TRAK1: variants seen among roughly 807,000 people sequenced by gnomAD.
TRAK1 encodes the protein trafficking kinesin protein 1.
In TRAK1, 33 loss-of-function variants were observed where a neutral mutation model predicts 92.1. That is an observed-to-expected ratio of 0.36 (90% confidence interval 0.27 to 0.48). The LOEUF (loss-of-function observed/expected upper bound fraction) is 0.48, where lower values mean the gene tolerates loss of function less well. Among genes scored for constraint, TRAK1 ranks in the 20% least tolerant of loss-of-function variants. TRAK1 has a pLI of 0.99. For synonymous variants in TRAK1, 521 were observed against 517.3 expected (o/e 1.01, Z -0.10); for missense variants, 1,123 against 1,257.9 (o/e 0.89, Z 1.62).
chr3:42,186,494 T>G (rs1704878897), intron 4 of TRAK1, among the ~76,000 whole-genome samples: 1 of 152,234 alleles, frequency 6.6e-6, no homozygotes, highest in Non-Finnish European at 1.5e-5. Flanking sequence ...GGGAGAATGC[T>G]GTTGTATTTT....
chr3:42,154,793 C>G (rs996396503), intron 2 of TRAK1, among the ~76,000 whole-genome samples: 1 of 152,094 alleles, frequency 6.6e-6, no homozygotes, highest in African/African-American at 2.4e-5. Flanking sequence ...GTCGTGCCAA[C>G]CCTGCTCTCT....
At chr3:42,184,596 A>T (rs1303290505) in intron 3 of TRAK1, 89 bp from the exon 4 acceptor site, 2 of 1,228,312 alleles carry the variant, frequency 1.6e-6, no homozygotes, top group East Asian at 4.7e-5. Context: ...CTAGATGCTT[A>T]TGTTTTCCTC....
At chr3:42,155,901 A>T (rs1363239605) in intron 2 of TRAK1, among the ~76,000 whole-genome samples, 1 of 152,180 alleles carries the variant, frequency 6.6e-6, no homozygotes, top group Non-Finnish European at 1.5e-5. Context: ...TATGTCAAGT[A>T]GATGTGAGCA....
In TRAK1 at chr3:42,176,717, T is replaced by A. The variant is rs3774379; in HGVS notation, c.287-97T>A. On this transcript the variant is annotated intron_variant, in intron 2 of 15. Coordinates refer to ENST00000327628, the MANE Select transcript of TRAK1 (RefSeq NM_001042646.3). ...CGAGCCAGTGACCCTCTGTGTCTAATGTGCAGGCACAACATTAGGGGCACT... is the reference window on the plus strand; with the variant it reads ...CGAGCCAGTGACCCTCTGTGTCTAAAGTGCAGGCACAACATTAGGGGCACT... The A allele has an allele frequency of 1.7e-3, 1,828 of 1,064,134 alleles. 19 individuals carry two copies. The East Asian group carries it at 0.024, about 14-fold the overall frequency. 65.9% of individuals were successfully genotyped at this position (1,064,134 alleles called of 1,614,324 possible). A position where few individuals can be genotyped will look rare whatever the true frequency, so the allele number is the denominator to read the frequency against.
intron 1 of TRAK1, among the ~76,000 whole-genome samples, chr3:42,112,817 C>T (rs1255868669): frequency 6.6e-6 from 1 of 151,540 alleles, no homozygotes; most frequent in African/African-American, 2.4e-5. Context: ...ATCTCCTAGG[C>T]TGGAGTGTAG....
Position 42,191,596 on chromosome 3 carries a change from G to A in TRAK1, c.729G>A (p.Glu243=), listed in dbSNP as rs1288157778. 1.9e-6 allele frequency: 3 copies of A among 1,604,312 alleles called. No individual in the cohort carries two copies. The South Asian group carries it at 3.4e-5, about 18-fold the overall frequency. The change falls in exon 7 of 16, where the codon GAG becomes GAA. Residue 243 remains glutamate, a synonymous_variant. Transcript: ENST00000327628. ...QLKTETITYE[E]KEQQLVNDCV... ...AGACAGAGACCATCACCTATGAGGAGAAGGAGCAGCAGCTGGTCAATGACT... is the reference window on the plus strand; with the variant it reads ...AGACAGAGACCATCACCTATGAGGAAAAGGAGCAGCAGCTGGTCAATGACT...
chr3:42,038,584 G>A (rs1263853563), intron 1 of TRAK1, among the ~76,000 whole-genome samples: 3 of 152,018 alleles, frequency 2.0e-5, no homozygotes, highest in Admixed American at 1.3e-4. Flanking sequence ...TCAGGAGTTC[G>A]AGACCAGCCT....
intron 2 of TRAK1, among the ~76,000 whole-genome samples, chr3:42,165,965 C>G (rs181304339): frequency 2.0e-5 from 3 of 152,066 alleles, no homozygotes; most frequent in Admixed American, 2.0e-4. Flanking sequence ...TTTTGCCACT[C>G]TGCCCATTTC....
At chr3:42,148,831 G>T (rs36009490) in intron 2 of TRAK1, among the ~76,000 whole-genome samples, 28,570 of 152,172 alleles carry the variant, frequency 0.19, 2,750 homozygotes, top group African/African-American at 0.21. Flanking sequence ...TTTAATGTGT[G>T]AAATCAGGTT....
At chr3:42,154,612 G>A (rs928572988) in intron 2 of TRAK1, among the ~76,000 whole-genome samples, 1 of 151,990 alleles carries the variant, frequency 6.6e-6, no homozygotes, top group African/African-American at 2.4e-5. Context: ...TAATTTTTTT[G>A]TAGAGATGGG....
intron 1 of TRAK1, among the ~76,000 whole-genome samples, chr3:42,025,144 C>T (rs1349394852): frequency 6.6e-6 from 1 of 152,156 alleles, no homozygotes; most frequent in Admixed American, 6.5e-5. Flanking sequence ...TGTTTACGTC[C>T]TCCCTGCCCC....
At chr3:42,211,881 AC>A (rs1709087224) in intron 14 of TRAK1, 1 of 985,288 alleles carries the variant, frequency 1.0e-6, no homozygotes, top group South Asian at 4.7e-5. Context: ...TATAGTTGAA[AC>A]TGTAGAAAGG....
chr3:42,064,167 G>A (rs774229792), intron 1 of TRAK1, among the ~76,000 whole-genome samples: 3 of 152,110 alleles, frequency 2.0e-5, no homozygotes, highest in Non-Finnish European at 2.9e-5. Context: ...TCACAAAAAT[G>A]CGAATGCTCG....
intron 1 of TRAK1, among the ~76,000 whole-genome samples, chr3:42,033,487 C>G (rs1056899690): frequency 2.0e-5 from 3 of 152,108 alleles, no homozygotes; most frequent in African/African-American, 7.2e-5. Flanking sequence ...TATTGAGGGG[C>G]TGAGGCAGGA....
At chr3:42,120,394 A>C (rs1709693175) in intron 1 of TRAK1, among the ~76,000 whole-genome samples, 1 of 152,002 alleles carries the variant, frequency 6.6e-6, no homozygotes, top group African/African-American at 2.4e-5. Context: ...GTGACCACAG[A>C]GAGCATAAAG....
chr3:42,113,384 ACCCC>A (rs1708736112), intron 1 of TRAK1, among the ~76,000 whole-genome samples: 1 of 37,918 alleles, frequency 2.6e-5, no homozygotes, highest in Non-Finnish European at 5.6e-5. Flanking sequence ...CCCTACCCCT[ACCCC>A]TACCCCTACC....
At chr3:42,140,900 G>C (rs1698562866) in intron 2 of TRAK1, among the ~76,000 whole-genome samples, 1 of 152,166 alleles carries the variant, frequency 6.6e-6, no homozygotes, top group African/African-American at 2.4e-5. Flanking sequence ...AGGGGGGTTG[G>C]GACCTCGGAG....
intron 1 of TRAK1, among the ~76,000 whole-genome samples, chr3:42,095,227 A>G (rs1044355397): frequency 3.3e-5 from 5 of 152,144 alleles, no homozygotes; most frequent in African/African-American, 1.2e-4. Context: ...CCTGGAACTC[A>G]TGTTGTCCTC....
chr3:42,154,024 C>G (rs1291824565), intron 2 of TRAK1, among the ~76,000 whole-genome samples: 2 of 152,158 alleles, frequency 1.3e-5, no homozygotes, highest in Non-Finnish European at 2.9e-5. Context: ...TTTTTATTAT[C>G]ACTGGCTATA....
Sources: gnomAD v4.1 joint callset for allele counts (sites outside exome capture counted in the v4.1 genomes callset) on GRCh38, gnomAD v4.1.1 for gene constraint, MANE v1.5 for transcripts, NCBI Gene and HGNC (gene_info 2026-07-23, HGNC 2026-07-21) for gene names.